The following OXCT1 variants were observed in gnomAD, a reference collection of about 807,000 sequenced individuals.
The protein encoded by OXCT1 is 3-oxoacid CoA-transferase 1.
A neutral mutation model predicts 69.6 loss-of-function variants in OXCT1; 27 were observed. The observed-to-expected ratio is 0.39, with a 90% CI of 0.29 to 0.54. OXCT1 has a LOEUF of 0.54. OXCT1 is among the 20% of genes least tolerant of loss of function. The pLI, the probability that OXCT1 is intolerant of heterozygous loss-of-function variation, is 0.72. For missense variants in OXCT1, 437 were observed against 650.2 expected (o/e 0.67, Z 3.57); for synonymous variants, 202 against 217.8 (o/e 0.93, Z 0.64).
At position 41,801,088 on chromosome 5, in the gene OXCT1, C is replaced by T. The variant is rs773474828; in HGVS notation, c.1051-18G>A. 5 of 1,580,174 alleles carry T rather than the reference C, an allele frequency of 3.2e-6. No homozygotes were observed. In the Admixed American group the frequency reaches 8.4e-5, roughly 26 times the overall value. ...TATGGACCCTGTCAAATACAACATA[C>T]ATTCAATTAGTAAATGAAGATTCTC... On this transcript the variant is annotated intron_variant, in intron 10 of 16. Coordinates refer to ENST00000196371, the MANE Select transcript of OXCT1 (RefSeq NM_000436.4).
chr5:41,800,944 C>G (rs1007180235), intron 11 of OXCT1, 78 bp downstream of exon 11: 1 of 1,270,994 alleles, frequency 7.9e-7, no homozygotes, highest in Non-Finnish European at 1.2e-6. Context: ...CAGGAAAAGA[C>G]AAAGAATTGA....
At chr5:41,842,269 T>G (rs961127841) in intron 6 of OXCT1, among the ~76,000 whole-genome samples, 3 of 152,224 alleles carry the variant, frequency 2.0e-5, no homozygotes, top group Non-Finnish European at 4.4e-5. Flanking sequence ...CCAATGATTA[T>G]TAGCAGTATC....
chr5:41,866,087 G>A lies in OXCT1; in HGVS notation c.79-3337C>T, dbSNP rs555306021. Among the ~76,000 whole-genome samples the A allele has an allele frequency of 3.6e-5, 5 of 140,762 alleles. No individual in the cohort carries two copies. The East Asian group carries it at 1.0e-3, about 29-fold the overall frequency. The allele number at this position is 140,762 out of a possible 152,430, so 92.3% of individuals were successfully genotyped here. On this transcript the variant is annotated intron_variant, in intron 1 of 16. Coordinates refer to ENST00000196371, the MANE Select transcript of OXCT1 (RefSeq NM_000436.4). ...ATGTATGTATATAACATATTCTGAT[G>A]TTATATACAGAAGCCCTGTGCCTGG...
At chr5:41,750,726 A>G (rs1448842343) in intron 14 of OXCT1, among the ~76,000 whole-genome samples, 2 of 152,108 alleles carry the variant, frequency 1.3e-5, no homozygotes, top group African/African-American at 4.8e-5. Flanking sequence ...TATGAATTTC[A>G]GATAGGTGGA....
chr5:41,828,632 T>C (rs910866578), intron 7 of OXCT1, among the ~76,000 whole-genome samples: 2 of 152,208 alleles, frequency 1.3e-5, no homozygotes, highest in Non-Finnish European at 2.9e-5. Flanking sequence ...CTTCCCTTCA[T>C]AGAAGCCCCA....
chr5:41,842,853 G>A (rs756775380), intron 5 of OXCT1, 72 bp from the exon 6 acceptor site: 5 of 992,052 alleles, frequency 5.0e-6, no homozygotes, highest in Admixed American at 1.7e-5. Context: ...CTCTGATAGA[G>A]GTAGATAATA....
chr5:41,797,855 G>A (rs1282143054), intron 11 of OXCT1, among the ~76,000 whole-genome samples: 1 of 152,196 alleles, frequency 6.6e-6, no homozygotes, highest in Non-Finnish European at 1.5e-5. Context: ...TGCTGACGCT[G>A]TGGGTCTGGG....
chr5:41,756,995 A>G (rs181241039), intron 14 of OXCT1, among the ~76,000 whole-genome samples: 311 of 152,202 alleles, frequency 2.0e-3, no homozygotes, highest in African/African-American at 7.1e-3. Flanking sequence ...GGGGGAGTCT[A>G]CAAACCATGG....
intron 7 of OXCT1, among the ~76,000 whole-genome samples, chr5:41,835,945 C>CA (rs11357997): frequency 1.1e-4 from 16 of 150,390 alleles, no homozygotes; most frequent in East Asian, 7.8e-4. Context: ...CAGGCTCCTT[C>CA]AAAAAAAAAC....
At chr5:41,763,622 CT>C (rs1260644674) in intron 13 of OXCT1, among the ~76,000 whole-genome samples, 2 of 152,002 alleles carry the variant, frequency 1.3e-5, no homozygotes, top group East Asian at 3.9e-4. Flanking sequence ...TAAAGCAACC[CT>C]ATGATAAAAT....
intron 15 of OXCT1, among the ~76,000 whole-genome samples, chr5:41,748,170 G>A (rs1236845927): frequency 1.3e-5 from 2 of 152,072 alleles, no homozygotes; most frequent in Non-Finnish European, 2.9e-5. Context: ...AAATTGTTGT[G>A]TGCTATGATG....
At chr5:41,825,053 C>T (rs775616093) in intron 7 of OXCT1, among the ~76,000 whole-genome samples, 1 of 152,212 alleles carries the variant, frequency 6.6e-6, no homozygotes, top group Non-Finnish European at 1.5e-5. Flanking sequence ...ATCCTTTTCA[C>T]AGAAGGCACA....
intron 15 of OXCT1, among the ~76,000 whole-genome samples, chr5:41,742,322 C>T (rs930701195): frequency 6.6e-6 from 1 of 152,020 alleles, no homozygotes; most frequent in African/African-American, 2.4e-5. Flanking sequence ...AGACTAAAAC[C>T]TAAAAGTCAC....
At chr5:41,855,469 C>G (rs933664286) in intron 3 of OXCT1, among the ~76,000 whole-genome samples, 6 of 152,128 alleles carry the variant, frequency 3.9e-5, no homozygotes, top group Non-Finnish European at 8.8e-5. Context: ...GTGATAAGGA[C>G]CAGAGTGCTT....
chr5:41,772,022 T>C (rs1240189255), intron 13 of OXCT1, among the ~76,000 whole-genome samples: 4 of 152,186 alleles, frequency 2.6e-5, no homozygotes. Flanking sequence ...CAATAGTCAT[T>C]ACAAAATAGG....
intron 13 of OXCT1, among the ~76,000 whole-genome samples, chr5:41,782,363 T>C (rs1179621380): frequency 6.6e-6 from 1 of 151,970 alleles, no homozygotes; most frequent in Non-Finnish European, 1.5e-5. Flanking sequence ...TACAGGTGCA[T>C]GCCACCATGC....
chr5:41,748,766 T>C (rs748519332), intron 15 of OXCT1, among the ~76,000 whole-genome samples: 1 of 152,078 alleles, frequency 6.6e-6, no homozygotes, highest in Non-Finnish European at 1.5e-5. Flanking sequence ...AATGCTATTG[T>C]TCTTGGCAAA....
At chr5:41,741,805 CAA>C (rs1414494957) in intron 15 of OXCT1, among the ~76,000 whole-genome samples, 3 of 151,900 alleles carry the variant, frequency 2.0e-5, no homozygotes, top group African/African-American at 7.3e-5. Flanking sequence ...TTTTATGTTC[CAA>C]AAAAGTTTTT....
At chr5:41,801,182 G>T in intron 10 of OXCT1, 112 bp from the exon 11 acceptor site, 2 of 848,892 alleles carry the variant, frequency 2.4e-6, no homozygotes, top group Non-Finnish European at 2.0e-6. Context: ...ATCATCCGAA[G>T]ACTTGAGGTA....
Sources: gnomAD v4.1 joint callset for allele counts (sites outside exome capture counted in the v4.1 genomes callset) on GRCh38, gnomAD v4.1.1 for gene constraint, MANE v1.5 for transcripts, NCBI Gene and HGNC (gene_info 2026-07-23, HGNC 2026-07-21) for gene names.